The following RANBP17 variants were observed in gnomAD, a reference collection of about 807,000 sequenced individuals.
RANBP17 encodes the protein ran-binding protein 17.
A neutral mutation model predicts 141.2 loss-of-function variants in RANBP17; 158 were observed. The ratio of observed to expected loss-of-function variants is 1.12; its 90% CI spans 0.98 to 1.28. The LOEUF is 1.28. Ranked by LOEUF, RANBP17 falls within the 50% of genes most tolerant of loss-of-function variation. RANBP17 has a pLI of 0.00. For missense variants in RANBP17, 1,438 were observed against 1,290.7 expected, an observed-to-expected ratio of 1.11 and a Z score of -1.75; for synonymous variants, 430 against 450.0, an observed-to-expected ratio of 0.96 and a Z score of 0.56.
At chr5:171,221,910 T>C (rs976719669) in intron 22 of RANBP17, 70 bp downstream of exon 22, 1 of 999,816 alleles carries the variant, frequency 1.0e-6, no homozygotes, top group Admixed American at 2.3e-5. Flanking sequence ...AAGATGTTAG[T>C]TATTTTGTTC....
intron 14 of RANBP17, among the ~76,000 whole-genome samples, chr5:171,100,931 G>C (rs1319855537): frequency 2.0e-5 from 3 of 152,182 alleles, no homozygotes; most frequent in Non-Finnish European, 2.9e-5. Context: ...TCTTAATCCT[G>C]AGTTTTAATT....
At chr5:171,127,365 A>T (rs78561108) in intron 14 of RANBP17, among the ~76,000 whole-genome samples, 7,997 of 151,652 alleles carry the variant, frequency 0.053, 267 homozygotes, top group East Asian at 0.12. Context: ...ACAGCTAACA[A>T]ACTGAACTGG....
chr5:171,191,222 G>C (rs1761608831), intron 18 of RANBP17, among the ~76,000 whole-genome samples: 1 of 152,100 alleles, frequency 6.6e-6, no homozygotes, highest in Non-Finnish European at 1.5e-5. Flanking sequence ...TCTAGAAATA[G>C]CTACTAAAGA....
At chr5:171,122,050 GGGGGC>G (rs1756075969) in intron 14 of RANBP17, among the ~76,000 whole-genome samples, 1 of 152,164 alleles carries the variant, frequency 6.6e-6, no homozygotes, top group East Asian at 1.9e-4. Context: ...TGGTGGCATT[GGGGGC>G]TGGTGGGGTT....
At chr5:171,132,602 G>A (rs947095544) in intron 14 of RANBP17, among the ~76,000 whole-genome samples, 8 of 151,938 alleles carry the variant, frequency 5.3e-5, no homozygotes, top group African/African-American at 1.4e-4. Context: ...CATGCCTGTC[G>A]TCCCAGCTAT....
chr5:171,026,346 A>G (rs1341868711), intron 14 of RANBP17, among the ~76,000 whole-genome samples: 1 of 152,218 alleles, frequency 6.6e-6, no homozygotes, highest in Non-Finnish European at 1.5e-5. Flanking sequence ...CAGTGTACAC[A>G]GTTAGTGACA....
intron 25 of RANBP17, among the ~76,000 whole-genome samples, chr5:171,286,772 C>A (rs1295873561): frequency 6.6e-6 from 1 of 152,192 alleles, no homozygotes; most frequent in African/African-American, 2.4e-5. Flanking sequence ...CCCTTACTTC[C>A]ACAAACCCTG....
At chr5:170,997,057 C>T (rs1262939741) in intron 14 of RANBP17, among the ~76,000 whole-genome samples, 1 of 152,070 alleles carries the variant, frequency 6.6e-6, no homozygotes, top group Non-Finnish European at 1.5e-5. Flanking sequence ...GCAGTTTCCC[C>T]CCATGCTGTT....
chr5:171,097,649 T>G (rs892118636), intron 14 of RANBP17, among the ~76,000 whole-genome samples: 1 of 142,782 alleles, frequency 7.0e-6, no homozygotes. Context: ...TTATTATTAT[T>G]ATTATACTTT....
chr5:171,054,392 G>C (rs1783202628), intron 14 of RANBP17, among the ~76,000 whole-genome samples: 1 of 152,080 alleles, frequency 6.6e-6, no homozygotes, highest in Admixed American at 6.6e-5. Flanking sequence ...AAAAGGGGTG[G>C]GCAGTTCTTG....
At chr5:170,866,096 T>G (rs1767232586) in intron 1 of RANBP17, among the ~76,000 whole-genome samples, 1 of 152,196 alleles carries the variant, frequency 6.6e-6, no homozygotes, top group African/African-American at 2.4e-5. Context: ...ACTATTACCT[T>G]GTGACCCAAA....
At chr5:171,110,109 G>A (rs1181611934) in intron 14 of RANBP17, among the ~76,000 whole-genome samples, 5 of 151,242 alleles carry the variant, frequency 3.3e-5, no homozygotes, top group Non-Finnish European at 7.4e-5. Context: ...TTTCTGATAT[G>A]TTTATCAGTA....
intron 18 of RANBP17, among the ~76,000 whole-genome samples, chr5:171,190,735 A>G (rs1379876921): frequency 6.6e-6 from 1 of 152,226 alleles, no homozygotes; most frequent in Non-Finnish European, 1.5e-5. Context: ...ATTTTGTTTC[A>G]TTTGAATGCA....
intron 5 of RANBP17, among the ~76,000 whole-genome samples, chr5:170,899,664 A>G (rs890141682): frequency 6.6e-6 from 1 of 152,184 alleles, no homozygotes; most frequent in African/African-American, 2.4e-5. Context: ...TCTGTCATAA[A>G]TAGCTCTTAT....
intron 1 of RANBP17, among the ~76,000 whole-genome samples, chr5:170,876,531 A>G (rs1581029272): frequency 6.6e-6 from 1 of 152,158 alleles, no homozygotes; most frequent in East Asian, 1.9e-4. Context: ...GATGTTTAAA[A>G]TGTAGTTCAT....
chr5:171,263,334 A>G (rs749381285), intron 24 of RANBP17, among the ~76,000 whole-genome samples: 2 of 152,172 alleles, frequency 1.3e-5, no homozygotes, highest in Non-Finnish European at 2.9e-5. Flanking sequence ...CCCAGGGATC[A>G]TGTGCAAATG....
chr5:171,116,336 G>GGACATGGA (rs1755628343), intron 14 of RANBP17, among the ~76,000 whole-genome samples: 2 of 152,110 alleles, frequency 1.3e-5, no homozygotes, highest in South Asian at 4.2e-4. Context: ...CTACAAAGAG[G>GGACATGGA]GACTCAGAAT....
intron 14 of RANBP17, among the ~76,000 whole-genome samples, chr5:171,102,135 G>A (rs1200142839): frequency 6.6e-6 from 1 of 152,122 alleles, no homozygotes; most frequent in Non-Finnish European, 1.5e-5. Context: ...TTGAACGTTG[G>A]CCTGTCTTGC....
At chr5:171,118,473 A>C (rs1755799251) in intron 14 of RANBP17, among the ~76,000 whole-genome samples, 1 of 152,034 alleles carries the variant, frequency 6.6e-6, no homozygotes. Flanking sequence ...ACTGACTATA[A>C]ATTGCTTTGG....
Sources: allele counts gnomAD v4.1 joint callset (sites outside exome capture counted in the v4.1 genomes callset), GRCh38; gene constraint gnomAD v4.1.1; transcripts MANE v1.5; gene names NCBI Gene and HGNC (gene_info 2026-07-23, HGNC 2026-07-21).